Variants in PLEKHM3 observed in about 807,000 individuals in gnomAD.
The protein encoded by PLEKHM3 is pleckstrin homology domain-containing family M member 3.
PLEKHM3 carries 45 observed loss-of-function variants against 81.8 expected under a neutral mutation model. That is an observed-to-expected ratio of 0.55 (90% CI 0.43 to 0.71). The LOEUF (loss-of-function observed/expected upper bound fraction) is 0.71, where lower values mean the gene tolerates loss of function less well. Among genes scored for constraint, PLEKHM3 ranks in the 30% least tolerant of loss-of-function variants. The probability of loss-of-function intolerance (pLI) is 0.00; values close to 1 mark genes in which losing one functional copy is unlikely to be tolerated. For synonymous variants in PLEKHM3, 352 were observed against 356.4 expected (o/e 0.99, Z 0.14); for missense variants, 788 against 924.3 (o/e 0.85, Z 1.91).
In PLEKHM3 at chr2:207,882,868, C is replaced by T. The variant is rs189913030; in HGVS notation, c.1951-21606G>A. ...TTTTCCCGAGATTCTCGTGCCTCAGCCTCCCAAGTAGTTGGGATTACAGGT... is the reference window on the plus strand; with the variant it reads ...TTTTCCCGAGATTCTCGTGCCTCAGTCTCCCAAGTAGTTGGGATTACAGGT... On this transcript the variant is annotated intron_variant, in intron 6 of 7. Transcript: ENST00000427836. Among the ~76,000 whole-genome samples the T allele has an allele frequency of 5.1e-3, 777 of 152,066 alleles. 4 individuals are homozygous for T. Among genetic ancestry groups the T allele is most frequent in the Non-Finnish European group, 7.5e-3 (513 of 67,994 alleles).
At chr2:207,898,068 C>T (rs1414873030) in intron 6 of PLEKHM3, among the ~76,000 whole-genome samples, 1 of 152,124 alleles carries the variant, frequency 6.6e-6, no homozygotes, top group Non-Finnish European at 1.5e-5. Context: ...TGGGGTCTGC[C>T]GCCTTTTGAG....
chr2:207,846,228 C>T (rs771188509), intron 7 of PLEKHM3, among the ~76,000 whole-genome samples: 38 of 152,138 alleles, frequency 2.5e-4, no homozygotes, highest in East Asian at 3.9e-4. Context: ...CTGCAACTTC[C>T]GCCTCCTGGG....
chr2:207,894,729 T>C (rs545221676), intron 6 of PLEKHM3, among the ~76,000 whole-genome samples: 1 of 152,328 alleles, frequency 6.6e-6, no homozygotes, highest in Non-Finnish European at 1.5e-5. Flanking sequence ...GAAGCAATCA[T>C]GCAGCTGGCA....
intron 5 of PLEKHM3, among the ~76,000 whole-genome samples, chr2:207,922,807 G>A (rs573850426): frequency 6.6e-4 from 98 of 147,564 alleles, no homozygotes; most frequent in Admixed American, 2.9e-3. Flanking sequence ...GAGAGACTCC[G>A]TCTCAAAAAA....
intron 3 of PLEKHM3, among the ~76,000 whole-genome samples, chr2:207,949,053 G>C (rs988610093): frequency 6.6e-6 from 1 of 152,140 alleles, no homozygotes; most frequent in African/African-American, 2.4e-5. Context: ...TTATGTTAAA[G>C]GGATGATAAA....
chr2:207,865,799 AAAAGATATATATATATATAT>A (rs1420408446), intron 6 of PLEKHM3, among the ~76,000 whole-genome samples: 14 of 35,110 alleles, frequency 4.0e-4, no homozygotes, highest in African/African-American at 2.5e-3. Flanking sequence ...AAAAAAAAAA[AAAAGATATATATATATATAT>A]ATATATATAT....
At chr2:207,859,136 CTTT>C (rs371493664) in intron 7 of PLEKHM3, among the ~76,000 whole-genome samples, 1 of 118,354 alleles carries the variant, frequency 8.4e-6, no homozygotes, top group Non-Finnish European at 1.7e-5. Flanking sequence ...TTTTCTTTTT[CTTT>C]TTTTTTTTTT....
intron 6 of PLEKHM3, among the ~76,000 whole-genome samples, chr2:207,906,336 C>G (rs1181280436): frequency 6.6e-6 from 1 of 152,142 alleles, no homozygotes; most frequent in Non-Finnish European, 1.5e-5. Flanking sequence ...ACCACTGCTG[C>G]TTGACTATGT....
chr2:208,014,439 T>A (rs1015759350), intron 1 of PLEKHM3, among the ~76,000 whole-genome samples: 9 of 151,924 alleles, frequency 5.9e-5, no homozygotes, highest in Non-Finnish European at 1.0e-4. Context: ...AGGTCAGGAG[T>A]TTGGGACCAG....
rs1475589889 is a variant in PLEKHM3, at chr2:207,828,323, G to C, written c.2282C>G (p.Thr761Ser). Residue 761 changes from threonine to serine, a missense_variant, in exon 8 of 8, where the codon ACC becomes AGC. Coordinates refer to ENST00000427836, the MANE Select transcript of PLEKHM3 (RefSeq NM_001080475.3). ...CTMFELSYQN[T>S] is the part of the protein sequence containing the mutation. ...TGGCCTTCGGGTCGGCTGGAGTCAG[G>C]TGTTCTGGTAGGACAGCTCGAACAT... is the stretch of plus-strand genomic sequence containing the variant. 1 of 1,607,564 alleles carries C rather than the reference G, an allele frequency of 6.2e-7. No individual in the cohort carries two copies. The highest frequency in any genetic ancestry group is 1.3e-5 in the African/African-American group (1 of 74,702).
At chr2:207,882,300 C>T (rs1687717295) in intron 6 of PLEKHM3, among the ~76,000 whole-genome samples, 1 of 152,096 alleles carries the variant, frequency 6.6e-6, no homozygotes, top group Admixed American at 6.6e-5. Flanking sequence ...TTCTCTCTCT[C>T]TCTGAAAACA....
rs376473366 is a variant in PLEKHM3 at position 207,843,585 on chromosome 2, C to T, written c.2109-15089G>A. On this transcript the variant is annotated intron_variant, in intron 7 of 7. Coordinates refer to ENST00000427836, the MANE Select transcript of PLEKHM3 (RefSeq NM_001080475.3). The surrounding 1 kb of genome is among the most constrained non-coding windows in gnomAD (Gnocchi z 4.4). ...GCACTGCAGGAAAACCACGCTCCAC[C>T]GAAGAGGTTGTTACCTCAGGCCTCT... is the stretch of plus-strand genomic sequence containing the variant. Among the ~76,000 whole-genome samples the T allele has an allele frequency of 3.9e-5, 6 of 152,276 alleles. No homozygotes were observed. Among genetic ancestry groups the T allele is most frequent in the African/African-American group, 1.4e-4 (6 of 41,552 alleles).
At chr2:207,874,964 A>C (rs2092553317) in intron 6 of PLEKHM3, among the ~76,000 whole-genome samples, 1 of 152,134 alleles carries the variant, frequency 6.6e-6, no homozygotes, top group African/African-American at 2.4e-5. Flanking sequence ...TTAAAACTAT[A>C]ACATTAGGGA....
intron 6 of PLEKHM3, among the ~76,000 whole-genome samples, chr2:207,872,251 G>C (rs185004744): frequency 2.6e-4 from 39 of 152,298 alleles, no homozygotes; most frequent in Admixed American, 2.6e-3. Flanking sequence ...TTGTAGAAAT[G>C]TAAGATTTCT....
At chr2:207,927,448 AGAG>A (rs1689433952) in intron 5 of PLEKHM3, among the ~76,000 whole-genome samples, 2 of 148,280 alleles carry the variant, frequency 1.3e-5, no homozygotes, top group South Asian at 4.3e-4. Context: ...CCCAGGAGGC[AGAG>A]GCTGCAGTGA....
At chr2:207,954,922 C>T (rs1559254731) in intron 3 of PLEKHM3, among the ~76,000 whole-genome samples, 1 of 152,118 alleles carries the variant, frequency 6.6e-6, no homozygotes, top group Non-Finnish European at 1.5e-5. Flanking sequence ...CAAGTAGATT[C>T]CAACTCAAGT....
chr2:207,915,970 A>G (rs1175801738), intron 5 of PLEKHM3, among the ~76,000 whole-genome samples: 1 of 152,218 alleles, frequency 6.6e-6, no homozygotes, highest in African/African-American at 2.4e-5. Flanking sequence ...TATGAGCTGC[A>G]AACTCTTCCT....
At chr2:207,903,908 C>T (rs537681117) in intron 6 of PLEKHM3, among the ~76,000 whole-genome samples, 2 of 152,328 alleles carry the variant, frequency 1.3e-5, no homozygotes, top group Admixed American at 6.5e-5. Context: ...TATTGCATTC[C>T]TGTCTTAAAG....
intron 5 of PLEKHM3, among the ~76,000 whole-genome samples, chr2:207,923,905 A>ATTTT (rs869041855): frequency 0.012 from 326 of 28,342 alleles, 21 homozygotes; most frequent in African/African-American, 0.033. Flanking sequence ...ATATATATAT[A>ATTTT]TTTTTTTTTT....
Sources: gnomAD v4.1 joint callset for allele counts (sites outside exome capture counted in the v4.1 genomes callset) on GRCh38, gnomAD v4.1.1 for gene constraint, Gnocchi (gnomAD v3.1) non-coding constraint, MANE v1.5 for transcripts, NCBI Gene and HGNC (gene_info 2026-07-23, HGNC 2026-07-21) for gene names.